The following OAS2 variants were observed in gnomAD, a reference collection of about 807,000 sequenced individuals.
The protein encoded by OAS2 is 2'-5'-oligoadenylate synthetase 2.
Under a neutral mutation model 71.3 loss-of-function variants are expected in OAS2, and 67 were observed. The ratio of observed to expected loss-of-function variants is 0.94; its 90% CI spans 0.77 to 1.15. The LOEUF is 1.15. OAS2 is among the 50% of genes most tolerant of loss of function. OAS2 has a pLI of 0.00. For missense variants in OAS2, 789 were observed against 822.5 expected, an observed-to-expected ratio of 0.96 and a Z score of 0.50; for synonymous variants, 327 against 321.8, an observed-to-expected ratio of 1.02 and a Z score of -0.17.
At chr12:112,996,626 T>C (rs551191318) in intron 3 of OAS2, among the ~76,000 whole-genome samples, 3 of 151,406 alleles carry the variant, frequency 2.0e-5, no homozygotes, top group Non-Finnish European at 2.9e-5. Context: ...GCAGCTCATG[T>C]TTAAGAGCCG....
intron 1 of OAS2, 29 bp from the exon 2 acceptor site, chr12:112,987,008 GT>G: frequency 6.3e-7 from 1 of 1,581,182 alleles, no homozygotes; most frequent in Non-Finnish European, 8.6e-7. Flanking sequence ...AGAATCTAGT[GT>G]CTCATATCTG....
intron 3 of OAS2, among the ~76,000 whole-genome samples, chr12:112,996,463 A>T (rs2044232962): frequency 6.6e-6 from 1 of 152,038 alleles, no homozygotes; most frequent in African/African-American, 2.4e-5. Flanking sequence ...AAATCTTACC[A>T]AATTATACTC....
intron 9 of OAS2, among the ~76,000 whole-genome samples, chr12:113,008,212 T>C (rs1044011647): frequency 2.0e-5 from 3 of 152,192 alleles, no homozygotes; most frequent in African/African-American, 7.2e-5. Context: ...AGTGTGTCCC[T>C]AAGAATTAAC....
chr12:113,005,782 C>A (rs1320189855), intron 7 of OAS2, among the ~76,000 whole-genome samples: 1 of 150,390 alleles, frequency 6.6e-6, no homozygotes, highest in Non-Finnish European at 1.5e-5. Flanking sequence ...TCCCAGATAC[C>A]CAGGAGGCTG....
chr12:112,985,173 T>C (rs1264490930), intron 1 of OAS2, among the ~76,000 whole-genome samples: 1 of 152,200 alleles, frequency 6.6e-6, no homozygotes, highest in African/African-American at 2.4e-5. Flanking sequence ...TTGAGCTTCC[T>C]GTATCTGGGT....
chr12:112,993,344 T>C (rs1055323565), intron 2 of OAS2, among the ~76,000 whole-genome samples: 2 of 152,220 alleles, frequency 1.3e-5, no homozygotes, highest in Non-Finnish European at 2.9e-5. Flanking sequence ...AAATTAGTAA[T>C]TGCAATTGCA....
chr12:112,987,704 C>T (rs765762532), intron 2 of OAS2: 83 of 1,054,266 alleles, frequency 7.9e-5, no homozygotes, highest in Non-Finnish European at 9.4e-5. Context: ...CAGGTTTTGA[C>T]CAGAGTCAGT....
chr12:112,989,484 G>A (rs943932506), intron 2 of OAS2, among the ~76,000 whole-genome samples: 3 of 152,198 alleles, frequency 2.0e-5, no homozygotes, highest in Non-Finnish European at 4.4e-5. Context: ...TCAAAGTGGG[G>A]GCTTCCAGGT....
chr12:112,994,474 T>C (rs977438548), intron 2 of OAS2, among the ~76,000 whole-genome samples: 1 of 152,162 alleles, frequency 6.6e-6, no homozygotes, highest in Non-Finnish European at 1.5e-5. Context: ...CAGGCTGGAG[T>C]GCAGTGGTGC....
chr12:112,986,893 G>T, intron 1 of OAS2, 145 bp from the exon 2 acceptor site: 1 of 1,072,364 alleles, frequency 9.3e-7, no homozygotes. Context: ...ATCCCAATCA[G>T]GTCTTTGTGG....
At chr12:113,006,149 A>T (rs1277197986) in intron 7 of OAS2, among the ~76,000 whole-genome samples, 1 of 152,114 alleles carries the variant, frequency 6.6e-6, no homozygotes, top group African/African-American at 2.4e-5. Context: ...GTGAGTGCAA[A>T]TGGCCACATT....
At chr12:112,996,082 A>G (rs1171295830) in intron 3 of OAS2, among the ~76,000 whole-genome samples, 1 of 152,188 alleles carries the variant, frequency 6.6e-6, no homozygotes, top group African/African-American at 2.4e-5. Flanking sequence ...GATTACAGAC[A>G]TGAGCCATGG....
chr12:113,003,013 G>A lies in OAS2; in HGVS notation c.1090G>A (p.Glu364Lys). 1 of 1,614,148 alleles carries A rather than the reference G, an allele frequency of 6.2e-7. No homozygotes were observed. The highest frequency in any genetic ancestry group is 1.7e-5 in the Admixed American group (1 of 60,012). ...TCTCCAGCCCAACAAATGCTTCCTA[G>A]AGCAGATTGACAGTGCTGTTAACAT... is the stretch of plus-strand genomic sequence containing the variant. The part of the protein sequence containing the change: ...EFLQPNKCFL[E>K]QIDSAVNIIR... Residue 364 changes from glutamate (E) to lysine (K), a missense_variant, in exon 6 of 10, where the codon GAG becomes AAG. Transcript: ENST00000392583.
At position 112,987,205 on chromosome 12, in the gene OAS2, A is replaced by G; in HGVS notation, c.345A>G (p.Lys115=). Residue 115 remains lysine (K), a synonymous_variant, in exon 2 of 10, where the codon AAA becomes AAG. Coordinates refer to ENST00000392583, the MANE Select transcript of OAS2 (RefSeq NM_002535.3). ...TCTGTCTGTTCACGAAGTGGTTGAA[A>G]AACAATTTCGAGATCCAGAAGTCCC... ...LKFCLFTKWL[K]NNFEIQKSLD... 6.2e-7 allele frequency: 1 copy of G among 1,614,208 alleles called. No individual in the cohort carries two copies.
At chr12:112,998,657 C>T (rs903884918) in intron 5 of OAS2, among the ~76,000 whole-genome samples, 6 of 152,202 alleles carry the variant, frequency 3.9e-5, no homozygotes, top group African/African-American at 1.4e-4. Flanking sequence ...TTCCAGGCTT[C>T]CTGCAGCTTC....
At position 113,005,092 on chromosome 12, in the gene OAS2, G is replaced by A; in HGVS notation, c.1338G>A (p.Lys446=). The A allele has an allele frequency of 6.2e-7, 1 of 1,614,182 alleles. No individual in the cohort carries two copies. The highest frequency in any genetic ancestry group is 2.2e-5 in the East Asian group (1 of 44,852). Residue 446 remains lysine (K), a synonymous_variant, in exon 7 of 10, where the codon AAG becomes AAA. Coordinates refer to ENST00000392583, the MANE Select transcript of OAS2 (RefSeq NM_002535.3). The part of the protein sequence containing the change: ...HEQLKAFWRE[K]EEELEVSFEP... ...AGCTGAAAGCCTTTTGGAGGGAGAA[G>A]GAGGAGGAGCTTGAAGTCAGCTTTG...
chr12:112,992,543 C>T (rs989428952), intron 2 of OAS2, among the ~76,000 whole-genome samples: 1 of 152,104 alleles, frequency 6.6e-6, no homozygotes, highest in African/African-American at 2.4e-5. Context: ...GGCCAGAGTA[C>T]CTTCCATCAC....
At chr12:113,006,739 G>A (rs1274514644) in intron 8 of OAS2, 139 bp downstream of exon 8, 7 of 660,776 alleles carry the variant, frequency 1.1e-5, no homozygotes, top group Middle Eastern at 3.6e-4. Flanking sequence ...TCTTTACGAC[G>A]TTCCCATCAC....
At chr12:112,980,843 G>A (rs1485543913) in intron 1 of OAS2, among the ~76,000 whole-genome samples, 2 of 152,110 alleles carry the variant, frequency 1.3e-5, no homozygotes, top group Non-Finnish European at 2.9e-5. Context: ...CCAACAGTGT[G>A]TAAGATTCCC....
Sources: allele counts gnomAD v4.1 joint callset (sites outside exome capture counted in the v4.1 genomes callset), GRCh38; gene constraint gnomAD v4.1.1; transcripts MANE v1.5; gene names NCBI Gene and HGNC (gene_info 2026-07-23, HGNC 2026-07-21).